The following CIB1 variants were observed in gnomAD, a reference collection of about 807,000 sequenced individuals.
CIB1 encodes the protein calcium and integrin-binding protein 1.
A neutral mutation model predicts 25.0 loss-of-function variants in CIB1; 19 were observed. The ratio of observed to expected loss-of-function variants is 0.76; its 90% confidence interval spans 0.53 to 1.12. The LOEUF is 1.12. Ranked by LOEUF, CIB1 falls within the 50% of genes most tolerant of loss-of-function variation. CIB1 has a pLI of 0.00. For synonymous variants in CIB1, 104 were observed against 98.5 expected, an observed-to-expected ratio of 1.06 and a Z score of -0.33; for missense variants, 236 against 242.6, an observed-to-expected ratio of 0.97 and a Z score of 0.18.
the CIB1 span, among the ~76,000 whole-genome samples, chr15:90,259,873 A>G: frequency 6.6e-6 from 1 of 152,368 alleles, no homozygotes; most frequent in Non-Finnish European, 1.5e-5. Context: ...CTAAAATTGT[A>G]ATTTGTTAAT....
the CIB1 span, chr15:90,240,898 A>G: frequency 6.3e-7 from 1 of 1,594,220 alleles, no homozygotes; most frequent in South Asian, 1.1e-5. Flanking sequence ...TGACTATTTC[A>G]GGTCAGCTCT....
the CIB1 span, among the ~76,000 whole-genome samples, chr15:90,239,907 A>G: frequency 6.6e-6 from 1 of 152,194 alleles, no homozygotes; most frequent in Non-Finnish European, 1.5e-5. Flanking sequence ...CCTGGGTGAC[A>G]GAGTGAGAAC....
chr15:90,265,089 C>A, the CIB1 span: 1 of 1,331,528 alleles, frequency 7.5e-7, no homozygotes, highest in South Asian at 1.5e-5. Flanking sequence ...GCCCAGGAAC[C>A]CCATTTGTAT....
chr15:90,257,430 T>C, the CIB1 span: 84 of 1,250,778 alleles, frequency 6.7e-5, no homozygotes, highest in Non-Finnish European at 9.1e-5. Context: ...GGCAAGTGTT[T>C]GGTAGGTGGT....
chr15:90,255,916 AC>A, the CIB1 span: 4 of 1,613,732 alleles, frequency 2.5e-6, no homozygotes, highest in Non-Finnish European at 3.4e-6. Context: ...ATGCTGAGAT[AC>A]CAGGGGGAGG....
intron 3 of CIB1, 101 bp from the exon 4 acceptor site, chr15:90,231,608 C>T (rs1212289199): frequency 7.1e-7 from 1 of 1,400,816 alleles, no homozygotes; most frequent in African/African-American, 1.4e-5. Flanking sequence ...CCAGCGAGCT[C>T]AGCCTCGTGG....
chr15:90,258,984 C>T, the CIB1 span: 5 of 1,612,360 alleles, frequency 3.1e-6, no homozygotes, highest in East Asian at 8.9e-5. Context: ...AGTAAAAGTC[C>T]TCCTTTAGAT....
chr15:90,264,857 CCCT>C, the CIB1 span: 1 of 1,536,058 alleles, frequency 6.5e-7, no homozygotes, highest in Non-Finnish European at 8.7e-7. Context: ...ATGCACCTTG[CCCT>C]CCATGGTAAA....
the CIB1 span, chr15:90,263,479 T>G: frequency 2.0e-6 from 1 of 496,088 alleles, no homozygotes; most frequent in East Asian, 3.2e-5. Context: ...TTCTGTATAA[T>G]TTTCTCCCTA....
the CIB1 span, among the ~76,000 whole-genome samples, chr15:90,247,210 G>C: frequency 2.6e-5 from 4 of 151,234 alleles, 1 homozygote; most frequent in East Asian, 1.9e-4. Context: ...TCCTGACCTC[G>C]TGATCCACCT....
the CIB1 span, chr15:90,242,230 G>A: frequency 1.5e-5 from 7 of 463,016 alleles, no homozygotes; most frequent in African/African-American, 1.5e-4. Context: ...TGAGACTATA[G>A]GCGTGCACCA....
Position 90,233,881 on chromosome 15 carries a change from C to T in CIB1, c.5G>A (p.Gly2Glu). The T allele has an allele frequency of 6.8e-7, 1 of 1,474,170 alleles. No homozygotes were observed. The highest frequency in any genetic ancestry group is 1.4e-5 in the South Asian group (1 of 72,692). The allele number at this position is 1,474,170 out of a possible 1,614,324, so 91.3% of individuals were successfully genotyped here. A position where few individuals can be genotyped will look rare whatever the true frequency, so the allele number is the denominator to read the frequency against. M[G>E]GSGSRLSKEL... Reference sequence around the variant, plus strand: ...CTTGGACAGGCGACTGCCCGAGCCCCCCATCGCCCCGCCGCGCGCACAGCT... The same window carrying T: ...CTTGGACAGGCGACTGCCCGAGCCCTCCATCGCCCCGCCGCGCGCACAGCT... Residue 2 changes from glycine (G) to glutamate (E), a missense_variant, in exon 1 of 7, where the codon GGG (glycine) becomes GAG (glutamate). Physicochemically the swap from Gly to Glu is moderately conservative, Grantham distance 98 (BLOSUM62 -2). Transcript: ENST00000328649.
chr15:90,241,453 T>C, the CIB1 span: 6 of 1,613,562 alleles, frequency 3.7e-6, no homozygotes, highest in Admixed American at 5.0e-5. Flanking sequence ...CAGCGCCTGC[T>C]GCCGGGTGCA....
chr15:90,231,362 A>G lies in CIB1; in HGVS notation c.341T>C (p.Ile114Thr), dbSNP rs1167389154. The change falls in exon 4 of 7, where the codon ATC becomes ACC. Residue 114 changes from isoleucine to threonine, a missense_variant. Ile to Thr is a moderately conservative substitution (Grantham distance 89). Transcript: ENST00000328649. ...PDIKSHYAFR[I>T]FDFDDDGTLN... ...GGGCTGCTCCTGGTTCTCACCAAAG[A>G]TGCGGAAGGCATAATGGGACTTGAT... is the stretch of plus-strand genomic sequence containing the variant. 1 of 1,613,996 alleles carries G rather than the reference A, an allele frequency of 6.2e-7. No homozygotes were observed. Among genetic ancestry groups the G allele is most frequent in the East Asian group, 2.2e-5 (1 of 44,874 alleles).
the CIB1 span, chr15:90,261,952 C>T: frequency 1.4e-6 from 2 of 1,412,500 alleles, no homozygotes; most frequent in Non-Finnish European, 1.9e-6. Flanking sequence ...CTTCCTTTCC[C>T]TACTGAACAT....
At chr15:90,262,320 T>C in the CIB1 span, 1 of 1,154,234 alleles carries the variant, frequency 8.7e-7, no homozygotes, top group Non-Finnish European at 1.2e-6. Context: ...CCTATCAGAC[T>C]CTTAGTGACT....
the CIB1 span, chr15:90,242,364 G>A: frequency 0.04 from 7,583 of 188,060 alleles, 631 homozygotes; most frequent in African/African-American, 0.17. Flanking sequence ...GGCTGAAGCA[G>A]TCCTCCCACC....
At chr15:90,265,593 G>C in the CIB1 span, 4 of 1,423,400 alleles carry the variant, frequency 2.8e-6, no homozygotes, top group African/African-American at 2.8e-5. Flanking sequence ...CCCCCACCAA[G>C]TGAAGCGGGA....
chr15:90,250,797 T>C, the CIB1 span: 5 of 1,614,130 alleles, frequency 3.1e-6, no homozygotes, highest in Non-Finnish European at 4.2e-6. Flanking sequence ...CCCTCACCCA[T>C]TATGGCCACA....
Sources: gnomAD v4.1 joint callset for allele counts (sites outside exome capture counted in the v4.1 genomes callset) on GRCh38, gnomAD v4.1.1 for gene constraint, MANE v1.5 for transcripts, NCBI Gene and HGNC (gene_info 2026-07-23, HGNC 2026-07-21) for gene names.